The following SBF2 variants were observed in gnomAD, a reference collection of about 807,000 sequenced individuals.
SBF2 encodes the protein myotubularin-related protein 13.
A neutral mutation model predicts 225.2 loss-of-function variants in SBF2; 112 were observed. The ratio of observed to expected loss-of-function variants is 0.50; its 90% CI spans 0.43 to 0.58. The LOEUF is 0.58. Ranked by LOEUF, SBF2 falls within the 20% of genes least tolerant of loss-of-function variation. SBF2 has a pLI of 0.00. For missense variants in SBF2, 1,996 were observed against 2,206.2 expected, an observed-to-expected ratio of 0.90 and a Z score of 1.91; for synonymous variants, 763 against 773.3, an observed-to-expected ratio of 0.99 and a Z score of 0.22.
At chr11:9,951,413 T>G (rs1364339872) in intron 16 of SBF2, among the ~76,000 whole-genome samples, 1 of 152,070 alleles carries the variant, frequency 6.6e-6, no homozygotes, top group Non-Finnish European at 1.5e-5. Context: ...AGTTAAGAAG[T>G]TGGTGCGGTA....
intron 16 of SBF2, chr11:9,960,221 A>G (rs10840333): frequency 0.27 from 41,859 of 152,422 alleles, 6,074 homozygotes; most frequent in Admixed American, 0.36. Context: ...CCCTCTCTCT[A>G]TGGTATCTTT....
At position 9,842,653 on chromosome 11, in the gene SBF2, A is replaced by G; in HGVS notation, c.3228T>C (p.Pro1076=). The change falls in exon 25 of 40, where the codon CCT becomes CCC. Residue 1076 remains proline (P), a synonymous_variant. Transcript: ENST00000256190. ...ATACATCATCATCTTCATTCCATCC[A>G]GGACGATTTACTCTTTCTTCCACAA... ...GTIVEERVNR[P]GWNEDDDVSV... is the part of the protein sequence containing the mutation. 1 of 1,614,110 alleles carries G rather than the reference A, an allele frequency of 6.2e-7. No homozygotes were observed. Among genetic ancestry groups the G allele is most frequent in the South Asian group, 1.1e-5 (1 of 91,080 alleles).
chr11:10,171,179 A>T (rs1956170597), intron 2 of SBF2, among the ~76,000 whole-genome samples: 2 of 152,134 alleles, frequency 1.3e-5, no homozygotes, highest in Admixed American at 1.3e-4. Context: ...TACTATGTTG[A>T]ATAACAGTGG....
At chr11:9,954,496 G>A (rs759098058) in intron 16 of SBF2, among the ~76,000 whole-genome samples, 27 of 152,286 alleles carry the variant, frequency 1.8e-4, no homozygotes, top group Admixed American at 3.9e-4. Context: ...TCACATGTAA[G>A]TCCATTCATA....
intron 28 of SBF2, chr11:9,828,151 G>A: frequency 7.8e-7 from 1 of 1,289,404 alleles, no homozygotes. Flanking sequence ...TATTGGATGG[G>A]TTTACATCCA....
intron 20 of SBF2, 75 bp downstream of exon 20, chr11:9,853,465 A>C: frequency 8.1e-7 from 1 of 1,240,212 alleles, no homozygotes. Context: ...AATGGAAGAC[A>C]TGTATTGCCA....
At position 9,853,653 on chromosome 11, in the gene SBF2, T is replaced by C. The variant is rs1857119137; in HGVS notation, c.2423A>G (p.Asn808Ser). The C allele has an allele frequency of 6.2e-7, 1 of 1,613,982 alleles. No individual in the cohort carries two copies. Among genetic ancestry groups the C allele is most frequent in the Non-Finnish European group, 8.5e-7 (1 of 1,179,900 alleles). ...CACAACAGAATTGGCAATGTCAGTA[T>C]TCTCTGAATCTTCAAACCCACTCTC... Reference protein sequence around the residue: ...DTESGFEDSENTDIANSVVRF... With the variant: ...DTESGFEDSESTDIANSVVRF... The change falls in exon 20 of 40, where the codon AAT becomes AGT. Residue 808 changes from asparagine to serine, a missense_variant. Transcript: ENST00000256190.
chr11:10,061,716 T>A (rs1023655841), intron 2 of SBF2, among the ~76,000 whole-genome samples: 3 of 152,122 alleles, frequency 2.0e-5, no homozygotes, highest in Admixed American at 6.6e-5. Flanking sequence ...TGGAAAAACA[T>A]CCCATGCTCA....
chr11:10,276,367 C>T (rs1962959980), intron 1 of SBF2, among the ~76,000 whole-genome samples: 1 of 152,142 alleles, frequency 6.6e-6, no homozygotes, highest in Non-Finnish European at 1.5e-5. Flanking sequence ...ACAGAAGAAA[C>T]ACAATGTAAA....
intron 16 of SBF2, among the ~76,000 whole-genome samples, chr11:9,935,573 T>C (rs1450542290): frequency 2.0e-5 from 3 of 152,152 alleles, no homozygotes; most frequent in South Asian, 2.1e-4. Flanking sequence ...AAGGCTACAG[T>C]AACCAAAACA....
chr11:10,087,149 C>T (rs1326691922), intron 2 of SBF2, among the ~76,000 whole-genome samples: 1 of 151,482 alleles, frequency 6.6e-6, no homozygotes, highest in African/African-American at 2.4e-5. Flanking sequence ...CTTAAATCTT[C>T]CATCTTCTGG....
intron 1 of SBF2, among the ~76,000 whole-genome samples, chr11:10,210,386 GAGA>G (rs992885578): frequency 6.6e-6 from 1 of 151,044 alleles, no homozygotes; most frequent in Non-Finnish European, 1.5e-5. Context: ...GGAGGAGGAA[GAGA>G]AGGAGGAAGG....
intron 16 of SBF2, among the ~76,000 whole-genome samples, chr11:9,916,488 C>T (rs376799711): frequency 2.6e-5 from 4 of 152,104 alleles, no homozygotes; most frequent in East Asian, 3.9e-4. Flanking sequence ...TTTTCACACT[C>T]GGTGAAATGT....
intron 1 of SBF2, among the ~76,000 whole-genome samples, chr11:10,288,764 C>A (rs1195061971): frequency 6.6e-6 from 1 of 152,192 alleles, no homozygotes; most frequent in African/African-American, 2.4e-5. Context: ...GTTGTCCCAT[C>A]ATCTCTCCAT....
At chr11:10,171,802 A>G (rs976337971) in intron 2 of SBF2, among the ~76,000 whole-genome samples, 1 of 152,152 alleles carries the variant, frequency 6.6e-6, no homozygotes, top group African/African-American at 2.4e-5. Context: ...GAGACTTTTT[A>G]TTACGGCTTT....
intron 16 of SBF2, chr11:9,957,610 C>A (rs1309640536): frequency 6.6e-6 from 1 of 152,024 alleles, no homozygotes; most frequent in Non-Finnish European, 1.5e-5. Context: ...CAGACGCCTG[C>A]CACCATGCCC....
In SBF2 at chr11:9,967,741, C is replaced by T. The variant is rs920235178; in HGVS notation, c.1600+600G>A. ...GACCAGCCTGACTAACATGGAGAAA[C>T]TCTGTCTCTACTAAAAATACAAAAT... On this transcript the variant is annotated intron_variant, in intron 14 of 39. Transcript: ENST00000256190. Among the ~76,000 whole-genome samples the T allele has an allele frequency of 2.6e-5, 4 of 152,232 alleles. No homozygotes were observed. The South Asian group carries it at 6.2e-4, about 24-fold the overall frequency.
At chr11:10,048,311 CAA>C (rs1445995821) in intron 2 of SBF2, among the ~76,000 whole-genome samples, 11 of 151,944 alleles carry the variant, frequency 7.2e-5, no homozygotes, top group Admixed American at 3.3e-4. Flanking sequence ...TAGCAGCTAT[CAA>C]AAGAGTCCCC....
At position 10,256,972 on chromosome 11, in the gene SBF2, C is replaced by T. The variant is rs183372217; in HGVS notation, c.55+37043G>A. Among the ~76,000 whole-genome samples, 871 of 152,302 alleles carry T rather than the reference C, an allele frequency of 5.7e-3. 13 individuals are homozygous for T. Among genetic ancestry groups the T allele is most frequent in the South Asian group, 0.05 (242 of 4,820 alleles). On this transcript the variant is annotated intron_variant, in intron 1 of 39. Transcript: ENST00000256190. ...AGAAGAATGATTGTACTAACTGGTA[C>T]ATCCAAACACTTCCTAGTAAAAATA...
Sources: gnomAD v4.1 joint callset for allele counts (sites outside exome capture counted in the v4.1 genomes callset) on GRCh38, gnomAD v4.1.1 for gene constraint, MANE v1.5 for transcripts, NCBI Gene and HGNC (gene_info 2026-07-23, HGNC 2026-07-21) for gene names.